Variants in DOCK9 observed in about 807,000 individuals in gnomAD.
DOCK9 encodes dedicator of cytokinesis 9, also known as dedicator of cytokinesis protein 9.
DOCK9 carries 89 observed loss-of-function variants against 263.3 expected under a neutral mutation model. The ratio of observed to expected loss-of-function variants is 0.34; its 90% CI spans 0.28 to 0.40. The LOEUF (loss-of-function observed/expected upper bound fraction) is 0.40, where lower values mean the gene tolerates loss of function less well. DOCK9 is among the 10% of genes least tolerant of loss of function. The pLI is 1.00. For missense variants in DOCK9, 2,140 were observed against 2,603.4 expected (o/e 0.82, Z 3.87); for synonymous variants, 976 against 973.1 (o/e 1.00, Z -0.06).
chr13:98,913,393 A>G (rs1057478067), intron 9 of DOCK9, among the ~76,000 whole-genome samples: 2 of 152,202 alleles, frequency 1.3e-5, no homozygotes, highest in Non-Finnish European at 2.9e-5. Context: ...ACACAAGTAC[A>G]AGGACAGTCA....
chr13:98,833,882 T>C (rs1208672937), intron 39 of DOCK9, among the ~76,000 whole-genome samples: 1 of 152,198 alleles, frequency 6.6e-6, no homozygotes, highest in African/African-American at 2.4e-5. Context: ...TCAGAAAGCC[T>C]CACAGGGGAC....
At chr13:98,838,905 A>G (rs1160202742) in intron 38 of DOCK9, among the ~76,000 whole-genome samples, 2 of 151,886 alleles carry the variant, frequency 1.3e-5, no homozygotes, top group African/African-American at 4.8e-5. Flanking sequence ...CAGTAATGGG[A>G]AAAAAACAGA....
Position 99,074,145 on chromosome 13 carries a change from T to C in DOCK9, c.129+12078A>G, listed in dbSNP as rs114995479. Among the ~76,000 whole-genome samples the C allele has an allele frequency of 3.3e-3, 497 of 152,402 alleles. 2 individuals are homozygous for C. The highest frequency in any genetic ancestry group is 0.011 in the African/African-American group (463 of 41,598). ...TTATGCCTGCTGACGCAGCTACAGC[T>C]CAACAGCTCACAAATTTCCTTTTCT... On this transcript the variant is annotated intron_variant, in intron 1 of 32. Coordinates refer to the DOCK9 transcript ENST00000427887.
At chr13:98,940,359 A>G (rs1455584082) in intron 2 of DOCK9, among the ~76,000 whole-genome samples, 3 of 152,196 alleles carry the variant, frequency 2.0e-5, no homozygotes, top group Non-Finnish European at 4.4e-5. Flanking sequence ...ATGAAAGCCA[A>G]TTCCCAAGGA....
chr13:98,953,098 G>A (rs548070125), intron 2 of DOCK9, among the ~76,000 whole-genome samples: 59 of 152,238 alleles, frequency 3.9e-4, no homozygotes, highest in Admixed American at 3.2e-3. Context: ...ACATCACTGA[G>A]ACAATTTAAC....
chr13:98,952,754 C>T (rs535039894), intron 2 of DOCK9, among the ~76,000 whole-genome samples: 96 of 152,292 alleles, frequency 6.3e-4, no homozygotes, highest in African/African-American at 2.1e-3. Flanking sequence ...ACAAGCATCA[C>T]CACTATCCAT....
At position 98,885,291 on chromosome 13, in the gene DOCK9, C is replaced by G. The variant is rs565039409; in HGVS notation, c.2261-199G>C. ...AGGCCTTTTCGGGGTTAGAATTCTA[C>G]AATCTTCTTTTATAAAAATGTACAT... On this transcript the variant is annotated intron_variant, in intron 20 of 52. Transcript: ENST00000682017. The G allele has an allele frequency of 3.3e-5, 24 of 717,594 alleles. No homozygotes were observed. In the East Asian group the frequency reaches 7.2e-4, roughly 21 times the overall value. 44.5% of individuals were successfully genotyped at this position (717,594 alleles called of 1,614,324 possible). A position where few individuals can be genotyped will look rare whatever the true frequency, so the allele number is the denominator to read the frequency against.
At chr13:98,887,076 C>T (rs1831347785) in intron 18 of DOCK9, among the ~76,000 whole-genome samples, 2 of 148,208 alleles carry the variant, frequency 1.3e-5, no homozygotes, top group African/African-American at 5.0e-5. Context: ...TTTTTCTCCA[C>T]GACTGTTTTT....
chr13:98,989,851 C>A (rs543839959), intron 1 of DOCK9, among the ~76,000 whole-genome samples: 7 of 152,176 alleles, frequency 4.6e-5, no homozygotes, highest in Non-Finnish European at 1.0e-4. Context: ...AATCACCATT[C>A]CCCCTCTTCC....
intron 1 of DOCK9, among the ~76,000 whole-genome samples, chr13:99,037,544 T>C (rs1173293190): frequency 6.6e-6 from 1 of 152,188 alleles, no homozygotes; most frequent in Non-Finnish European, 1.5e-5. Context: ...CCTTGGAAAA[T>C]AATCTTGCAG....
At chr13:98,943,756 A>C (rs191327561) in intron 2 of DOCK9, among the ~76,000 whole-genome samples, 10 of 152,368 alleles carry the variant, frequency 6.6e-5, no homozygotes, top group Non-Finnish European at 1.5e-4. Context: ...AATTTAAAAA[A>C]AAATTACAGC....
intron 52 of DOCK9, 151 bp downstream of exon 52, chr13:98,796,964 T>C (rs1273676102): frequency 6.3e-6 from 5 of 796,302 alleles, no homozygotes; most frequent in Non-Finnish European, 1.0e-5. Flanking sequence ...CCAAATGACC[T>C]GGGGCTAGAG....
At chr13:98,932,024 G>C (rs946919710) in intron 2 of DOCK9, among the ~76,000 whole-genome samples, 13 of 152,158 alleles carry the variant, frequency 8.5e-5, no homozygotes, top group Admixed American at 6.5e-4. Flanking sequence ...ACCATGCCCG[G>C]CCTGGGCTTC....
At chr13:99,066,478 T>G (rs2041422267) in intron 1 of DOCK9, among the ~76,000 whole-genome samples, 1 of 152,218 alleles carries the variant, frequency 6.6e-6, no homozygotes, top group Non-Finnish European at 1.5e-5. Flanking sequence ...CTATATCAAC[T>G]ATGATAGACA....
chr13:98,969,124 T>G (rs2059480902), intron 1 of DOCK9, among the ~76,000 whole-genome samples: 1 of 152,216 alleles, frequency 6.6e-6, no homozygotes, highest in Admixed American at 6.5e-5. Flanking sequence ...GGTTTGACTC[T>G]GGGAACCTAT....
At chr13:98,940,407 T>G (rs2055620242) in intron 2 of DOCK9, among the ~76,000 whole-genome samples, 1 of 152,158 alleles carries the variant, frequency 6.6e-6, no homozygotes, top group Non-Finnish European at 1.5e-5. Flanking sequence ...GTTTTTTTGT[T>G]GTTTTTTAAG....
chr13:98,857,092 C>T (rs1368078891), intron 33 of DOCK9: 2 of 152,242 alleles, frequency 1.3e-5, no homozygotes, highest in Non-Finnish European at 2.9e-5. Context: ...TTTAAAACGA[C>T]TCTTTGGACT....
chr13:99,009,809 A>C (rs539072221), intron 1 of DOCK9, among the ~76,000 whole-genome samples: 84 of 152,302 alleles, frequency 5.5e-4, no homozygotes, highest in Non-Finnish European at 8.4e-4. Context: ...GATCAATTAA[A>C]GGATTTTTTT....
chr13:98,916,238 T>G (rs1345753801), intron 7 of DOCK9, among the ~76,000 whole-genome samples: 1 of 152,318 alleles, frequency 6.6e-6, no homozygotes, highest in African/African-American at 2.4e-5. Context: ...GGTCCATGCA[T>G]TGTACAATGT....
Sources: gnomAD v4.1 joint callset for allele counts (sites outside exome capture counted in the v4.1 genomes callset) on GRCh38, gnomAD v4.1.1 for gene constraint, MANE v1.5 for transcripts, NCBI Gene and HGNC (gene_info 2026-07-23, HGNC 2026-07-21) for gene names.